The following PALS2 variants were observed in gnomAD, a reference collection of about 807,000 sequenced individuals.
PALS2 encodes the protein protein PALS2.
In PALS2, 27 loss-of-function variants were observed where a neutral mutation model predicts 61.6. That is an observed-to-expected ratio of 0.44 (90% CI 0.32 to 0.60). The LOEUF (loss-of-function observed/expected upper bound fraction) is 0.60. PALS2 is among the 20% of genes least tolerant of loss of function. The pLI is 0.05. For synonymous variants in PALS2, 236 were observed against 218.6 expected, an observed-to-expected ratio of 1.08 and a Z score of -0.70; for missense variants, 554 against 639.4, an observed-to-expected ratio of 0.87 and a Z score of 1.44.
At chr7:24,587,923 T>A (rs528888675) in intron 1 of PALS2, among the ~76,000 whole-genome samples, 2 of 152,328 alleles carry the variant, frequency 1.3e-5, no homozygotes, top group South Asian at 2.1e-4. Flanking sequence ...CAGTTTGATC[T>A]ATTTGTTATT....
chr7:24,631,454 C>G (rs76223194), intron 2 of PALS2, among the ~76,000 whole-genome samples: 2,810 of 152,250 alleles, frequency 0.018, 99 homozygotes, highest in African/African-American at 0.065. Flanking sequence ...AAAGTGGTCT[C>G]TTCAGATTGA....
chr7:24,645,982 T>G (rs1371602017), intron 3 of PALS2, among the ~76,000 whole-genome samples: 1 of 152,136 alleles, frequency 6.6e-6, no homozygotes, highest in Non-Finnish European at 1.5e-5. Context: ...CCTGCAAAAT[T>G]TGTATCATTC....
At chr7:24,679,690 C>T (rs1448018500) in intron 10 of PALS2, among the ~76,000 whole-genome samples, 1 of 150,974 alleles carries the variant, frequency 6.6e-6, no homozygotes, top group Non-Finnish European at 1.5e-5. Flanking sequence ...AAGTCACTCC[C>T]CCTCCTACCT....
At chr7:24,594,807 T>C (rs55649299) in intron 1 of PALS2, among the ~76,000 whole-genome samples, 10,154 of 152,246 alleles carry the variant, frequency 0.067, 400 homozygotes, top group African/African-American at 0.11. Flanking sequence ...TGAATGTGTG[T>C]ATTTATTGTG....
At chr7:24,624,933 T>C (rs1784679132) in intron 2 of PALS2, among the ~76,000 whole-genome samples, 1 of 152,158 alleles carries the variant, frequency 6.6e-6, no homozygotes, top group Non-Finnish European at 1.5e-5. Context: ...TTTACGTGTT[T>C]ACTTATGCTA....
rs1788437448 is a variant in PALS2 at position 24,690,936 on chromosome 7, A to C, written c.*3322A>C. The C allele has an allele frequency of 6.6e-6, 1 of 152,192 alleles. No individual in the cohort carries two copies. The allele number at this position is 152,192 out of a possible 1,614,324, so 9.4% of individuals were successfully genotyped here. On this transcript the variant is annotated 3_prime_UTR_variant, in exon 12 of 12. Transcript: ENST00000222644. ...AAGCAACAAATAGATTATTAAGGCA[A>C]ATTTAGATAATAACCCAAGTTAGCA...
rs1335341560 is a variant in PALS2 at position 24,687,712 on chromosome 7, C to A, written c.*98C>A. The A allele has an allele frequency of 1.1e-5, 14 of 1,238,406 alleles. No homozygotes were observed. Among genetic ancestry groups the A allele is most frequent in the African/African-American group, 1.5e-5 (1 of 64,804 alleles). The allele number at this position is 1,238,406 out of a possible 1,614,324, so 76.7% of individuals were successfully genotyped here. On this transcript the variant is annotated 3_prime_UTR_variant, in exon 12 of 12. Coordinates refer to ENST00000222644, the MANE Select transcript of PALS2 (RefSeq NM_001303037.2). This position sits in a 1 kb window ranked among gnomAD's most constrained non-coding sequence, Gnocchi z 4.5. ...AAATACATCACAGATAGAAGATTATCTGCTAAGTCCAGGCATTTTTATGGT... is the reference window on the plus strand; with the variant it reads ...AAATACATCACAGATAGAAGATTATATGCTAAGTCCAGGCATTTTTATGGT...
chr7:24,684,423 A>C (rs576051495), intron 11 of PALS2, among the ~76,000 whole-genome samples: 82 of 152,348 alleles, frequency 5.4e-4, no homozygotes, highest in African/African-American at 1.3e-3. Context: ...AGCCTATTCA[A>C]CTTGGCTTCT....
intron 2 of PALS2, among the ~76,000 whole-genome samples, chr7:24,640,579 C>T (rs767731876): frequency 5.3e-5 from 8 of 152,178 alleles, no homozygotes; most frequent in South Asian, 2.1e-4. Flanking sequence ...TTGATAATTA[C>T]GCTTTTCCTG....
At chr7:24,594,690 G>A (rs1225348297) in intron 1 of PALS2, among the ~76,000 whole-genome samples, 1 of 152,018 alleles carries the variant, frequency 6.6e-6, no homozygotes, top group African/African-American at 2.4e-5. Flanking sequence ...GATTCATGGT[G>A]CCCCAAAACA....
chr7:24,580,957 T>G (rs1313250511), intron 1 of PALS2, among the ~76,000 whole-genome samples: 1 of 152,206 alleles, frequency 6.6e-6, no homozygotes, highest in Non-Finnish European at 1.5e-5. Flanking sequence ...TTTTTATGAT[T>G]GTATTAGTTT....
At chr7:24,669,952 A>G (rs1211735172) in intron 9 of PALS2, among the ~76,000 whole-genome samples, 1 of 152,198 alleles carries the variant, frequency 6.6e-6, no homozygotes, top group African/African-American at 2.4e-5. Flanking sequence ...ATTTTTAGCA[A>G]GTAGTTCTTA....
intron 3 of PALS2, among the ~76,000 whole-genome samples, chr7:24,645,207 A>T (rs1430893153): frequency 1.3e-5 from 2 of 152,106 alleles, no homozygotes; most frequent in African/African-American, 4.8e-5. Flanking sequence ...ATCTTTGACC[A>T]TTCCTATGGC....
At chr7:24,576,590 T>C (rs1051370744) in intron 1 of PALS2, among the ~76,000 whole-genome samples, 1 of 152,216 alleles carries the variant, frequency 6.6e-6, no homozygotes, top group Admixed American at 6.5e-5. Context: ...GCCTCTAACA[T>C]AATGAAAGAT....
rs1275678419 is a variant in PALS2, at chr7:24,693,537, G to C, written c.*5923G>C. ...ATAGGAGAGGTGGACAGTAGTGTAA[G>C]TAACATTGCTTTAAAGACATAAAGC... is the stretch of plus-strand genomic sequence containing the variant. On this transcript the variant is annotated 3_prime_UTR_variant, in exon 12 of 12. Transcript: ENST00000222644. 2.6e-5 allele frequency: 4 copies of C among 152,170 alleles called. No homozygotes were observed. The highest frequency in any genetic ancestry group is 9.6e-5 in the African/African-American group (4 of 41,452). The allele number at this position is 152,170 out of a possible 1,614,324, so 9.4% of individuals were successfully genotyped here. A position where few individuals can be genotyped will look rare whatever the true frequency, so the allele number is the denominator to read the frequency against.
At chr7:24,686,190 A>C (rs1417477281) in intron 11 of PALS2, among the ~76,000 whole-genome samples, 4 of 152,116 alleles carry the variant, frequency 2.6e-5, no homozygotes, top group African/African-American at 4.8e-5. Context: ...GCTAATCCTG[A>C]TTATTTTATC....
chr7:24,589,074 G>T (rs982480039), intron 1 of PALS2: 2 of 151,596 alleles, frequency 1.3e-5, no homozygotes, highest in African/African-American at 4.8e-5. Flanking sequence ...TCCAAATTTT[G>T]TGTGTGTGTG....
chr7:24,577,287 A>AAT (rs1256566733), intron 1 of PALS2, among the ~76,000 whole-genome samples: 1 of 129,946 alleles, frequency 7.7e-6, no homozygotes, highest in African/African-American at 3.0e-5. Context: ...TTTTTTTTTT[A>AAT]ATATAGTGTA....
intron 2 of PALS2, among the ~76,000 whole-genome samples, chr7:24,632,486 G>C (rs557706223): frequency 6.6e-6 from 1 of 151,968 alleles, no homozygotes; most frequent in African/African-American, 2.4e-5. Context: ...TGCAACCTCC[G>C]ATTCCCTGGT....
Sources: allele counts gnomAD v4.1 joint callset (sites outside exome capture counted in the v4.1 genomes callset), GRCh38; gene constraint gnomAD v4.1.1; non-coding constraint Gnocchi (gnomAD v3.1); transcripts MANE v1.5; gene names NCBI Gene and HGNC (gene_info 2026-07-23, HGNC 2026-07-21).